Variants in RTL4 observed in about 807,000 individuals in gnomAD.
RTL4 encodes the protein retrotransposon Gag like 4, also known as retrotransposon Gag-like protein 4.
Under a neutral mutation model 5.3 loss-of-function variants are expected in RTL4, and 4 were observed. The ratio of observed to expected loss-of-function variants is 0.75; its 90% confidence interval spans 0.37 to 1.72. The LOEUF (loss-of-function observed/expected upper bound fraction) is 1.72. Among genes scored for constraint, RTL4 ranks in the 40% most tolerant of loss-of-function variants. The pLI is 0.04. For synonymous variants in RTL4, 98 were observed against 87.3 expected (o/e 1.12, Z -0.68); for missense variants, 260 against 227.1 (o/e 1.14, Z -0.93).
chrX:112,382,393 G>A, the RTL4 span, among the ~76,000 whole-genome samples: 4 of 110,828 alleles, frequency 3.6e-5, no homozygotes, highest in East Asian at 1.1e-3. Context: ...CTAGATATTT[G>A]GTAACCAGCT....
chrX:112,178,399 G>A, the RTL4 span, among the ~76,000 whole-genome samples: 2 of 111,206 alleles, frequency 1.8e-5, no homozygotes, highest in Non-Finnish European at 3.8e-5. Context: ...AAGGATTTTA[G>A]TGGAAAAATG....
chrX:112,255,890 G>A, the RTL4 span, among the ~76,000 whole-genome samples: 5 of 111,560 alleles, frequency 4.5e-5, no homozygotes, highest in Non-Finnish European at 9.4e-5. Context: ...TGAAATGACC[G>A]TAATACTCTA....
chrX:112,374,403 T>C, the RTL4 span, among the ~76,000 whole-genome samples: 1 of 111,834 alleles, frequency 8.9e-6, no homozygotes, highest in Non-Finnish European at 1.9e-5. Context: ...TATAACTTTA[T>C]AGTAAAATTT....
the RTL4 span, among the ~76,000 whole-genome samples, chrX:112,330,455 T>G: frequency 9.1e-6 from 1 of 110,300 alleles, no homozygotes; most frequent in Non-Finnish European, 1.9e-5. Flanking sequence ...ACAAGGGATG[T>G]GAAGGACCTC....
chrX:112,243,385 G>A, the RTL4 span, among the ~76,000 whole-genome samples: 1 of 111,194 alleles, frequency 9.0e-6, no homozygotes, highest in Non-Finnish European at 1.9e-5. Context: ...CCTATTATTG[G>A]TCTATTCAGG....
chrX:112,314,981 G>T, the RTL4 span, among the ~76,000 whole-genome samples: 1 of 111,814 alleles, frequency 8.9e-6, no homozygotes, highest in Non-Finnish European at 1.9e-5. Flanking sequence ...AAGCCGTGAA[G>T]TTGGAAAACA....
the RTL4 span, among the ~76,000 whole-genome samples, chrX:112,404,269 T>C: frequency 1.8e-5 from 2 of 112,110 alleles, no homozygotes; most frequent in African/African-American, 6.5e-5. Flanking sequence ...GTATTGAAAA[T>C]GAAACTGATA....
chrX:112,112,450 C>T, the RTL4 span, among the ~76,000 whole-genome samples: 25 of 111,730 alleles, frequency 2.2e-4, no homozygotes, highest in African/African-American at 8.1e-4. Flanking sequence ...CCAAGGAACC[C>T]CCGCAACTGT....
chrX:112,456,465 C>G, exon 1 of RTL4: 2 of 307,207 alleles, frequency 6.5e-6, no homozygotes, highest in Non-Finnish European at 1.2e-5. Context: ...TCCAACAACC[C>G]TACTTGAGGT....
chrX:112,115,526 A>G, the RTL4 span, among the ~76,000 whole-genome samples: 1 of 111,354 alleles, frequency 9.0e-6, no homozygotes, highest in Non-Finnish European at 1.9e-5. Context: ...TTCTCATCAT[A>G]TGAATAGGAA....
At chrX:112,412,141 A>G in the RTL4 span, among the ~76,000 whole-genome samples, 1 of 111,629 alleles carries the variant, frequency 9.0e-6, no homozygotes, top group African/African-American at 3.2e-5. Flanking sequence ...AATCAACATA[A>G]CTAAAGTAGT....
chrX:112,242,936 C>T, the RTL4 span, among the ~76,000 whole-genome samples: 1 of 111,590 alleles, frequency 9.0e-6, no homozygotes, highest in Admixed American at 9.5e-5. Flanking sequence ...TTTTCTGCAT[C>T]TATTGAGATA....
the RTL4 span, among the ~76,000 whole-genome samples, chrX:112,150,941 C>T: frequency 8.9e-6 from 1 of 112,375 alleles, no homozygotes; most frequent in East Asian, 2.8e-4. Context: ...CTTCTTGTCA[C>T]TGACCATCTG....
chrX:112,123,506 G>A, the RTL4 span, among the ~76,000 whole-genome samples: 1 of 112,111 alleles, frequency 8.9e-6, no homozygotes, highest in South Asian at 3.7e-4. Context: ...GTGTAAAGAA[G>A]GGGTCCAGTT....
the RTL4 span, among the ~76,000 whole-genome samples, chrX:112,268,363 A>G: frequency 8.9e-6 from 1 of 112,161 alleles, no homozygotes; most frequent in South Asian, 3.7e-4. Flanking sequence ...TATGATAAAT[A>G]ACTTTCTGAA....
the RTL4 span, among the ~76,000 whole-genome samples, chrX:112,315,454 G>A: frequency 9.0e-6 from 1 of 111,314 alleles, no homozygotes; most frequent in Admixed American, 9.6e-5. Context: ...GCAGCCAAAA[G>A]TAAAACGTTT....
chrX:112,418,973 A>C, the RTL4 span, among the ~76,000 whole-genome samples: 2 of 106,568 alleles, frequency 1.9e-5, no homozygotes, highest in Non-Finnish European at 3.8e-5. Context: ...TACCTCACAG[A>C]CCAAGTAAGA....
chrX:112,298,115 G>A, the RTL4 span, among the ~76,000 whole-genome samples: 2 of 111,365 alleles, frequency 1.8e-5, no homozygotes, highest in African/African-American at 3.3e-5. Context: ...CTTTCGGTTC[G>A]ACTTTAGGCA....
chrX:112,224,841 C>T, the RTL4 span, among the ~76,000 whole-genome samples: 2 of 111,623 alleles, frequency 1.8e-5, no homozygotes, highest in African/African-American at 6.5e-5. Flanking sequence ...TTTTATGAAG[C>T]AGGTGGACAC....
Sources: gnomAD v4.1 joint callset for allele counts (sites outside exome capture counted in the v4.1 genomes callset) on GRCh38, gnomAD v4.1.1 for gene constraint, MANE v1.5 for transcripts, NCBI Gene and HGNC (gene_info 2026-07-23, HGNC 2026-07-21) for gene names.